SGPP2: variants seen among roughly 807,000 people sequenced by gnomAD.
SGPP2 encodes sphingosine 1-phosphate phosphohydrolase 2.
SGPP2 carries 30 observed loss-of-function variants against 33.9 expected under a neutral mutation model. The ratio of observed to expected loss-of-function variants is 0.89; its 90% CI spans 0.66 to 1.20. The LOEUF is 1.20. SGPP2 is among the 50% of genes most tolerant of loss of function. The pLI is 0.00. For missense variants in SGPP2, 458 were observed against 532.1 expected, an observed-to-expected ratio of 0.86 and a Z score of 1.37; for synonymous variants, 233 against 225.0, an observed-to-expected ratio of 1.04 and a Z score of -0.32.
At chr2:222,528,061 G>T (rs536759627) in intron 4 of SGPP2, among the ~76,000 whole-genome samples, 2 of 152,094 alleles carry the variant, frequency 1.3e-5, no homozygotes, top group African/African-American at 2.4e-5. Context: ...CTATGATAGC[G>T]TGCCCCTTCC....
chr2:222,472,891 G>A (rs1697867940), intron 1 of SGPP2, among the ~76,000 whole-genome samples: 1 of 152,174 alleles, frequency 6.6e-6, no homozygotes, highest in South Asian at 2.1e-4. Context: ...GTGCACTTCT[G>A]TAGTCTCAGT....
chr2:222,536,152 T>G (rs1698912434), intron 4 of SGPP2, among the ~76,000 whole-genome samples: 1 of 152,184 alleles, frequency 6.6e-6, no homozygotes, highest in South Asian at 2.1e-4. Context: ...GCCTTTTGGA[T>G]TATATAGTGT....
intron 1 of SGPP2, among the ~76,000 whole-genome samples, chr2:222,426,495 T>A (rs889668222): frequency 1.3e-5 from 2 of 152,308 alleles, no homozygotes; most frequent in Admixed American, 6.5e-5. Context: ...TCTTGACCTT[T>A]AAAAGCAAGC....
At chr2:222,509,719 G>T (rs182008091) in intron 2 of SGPP2, among the ~76,000 whole-genome samples, 1 of 152,166 alleles carries the variant, frequency 6.6e-6, no homozygotes, top group East Asian at 1.9e-4. Flanking sequence ...GGTACACCAG[G>T]ACTTATCTTG....
At chr2:222,533,494 C>T (rs1485553261) in intron 4 of SGPP2, among the ~76,000 whole-genome samples, 1 of 152,164 alleles carries the variant, frequency 6.6e-6, no homozygotes, top group East Asian at 1.9e-4. Flanking sequence ...AGTAAGTTCA[C>T]CACAATTGAA....
intron 2 of SGPP2, among the ~76,000 whole-genome samples, chr2:222,485,126 G>A (rs771357509): frequency 3.3e-5 from 5 of 152,162 alleles, no homozygotes; most frequent in African/African-American, 4.8e-5. Context: ...CATCCCTGGC[G>A]CGCTCTCTAA....
At chr2:222,541,797 A>G (rs1168583079) in intron 4 of SGPP2, among the ~76,000 whole-genome samples, 3 of 151,810 alleles carry the variant, frequency 2.0e-5, no homozygotes, top group Non-Finnish European at 4.4e-5. Flanking sequence ...TATTTTTAGT[A>G]GAGAAGGTTG....
intron 2 of SGPP2, among the ~76,000 whole-genome samples, chr2:222,496,029 A>G (rs6436320): frequency 0.87 from 132,018 of 152,128 alleles, 58,161 homozygotes; most frequent in East Asian, 1. Flanking sequence ...CTTTACATTC[A>G]AGACACTTGC....
intron 2 of SGPP2, among the ~76,000 whole-genome samples, chr2:222,497,762 A>G (rs1299642727): frequency 1.3e-5 from 2 of 152,220 alleles, no homozygotes; most frequent in African/African-American, 2.4e-5. Context: ...AAAACAGACA[A>G]TAACAAGTAA....
chr2:222,494,332 G>A (rs1698243341), intron 2 of SGPP2, among the ~76,000 whole-genome samples: 1 of 152,246 alleles, frequency 6.6e-6, no homozygotes, highest in Admixed American at 6.5e-5. Flanking sequence ...TCTTTTGACA[G>A]GAGGAAATGA....
intron 4 of SGPP2, among the ~76,000 whole-genome samples, chr2:222,556,577 C>G (rs1405202859): frequency 8.9e-6 from 1 of 111,840 alleles, no homozygotes; most frequent in Non-Finnish European, 1.9e-5. Flanking sequence ...CACCCTCACT[C>G]CTTGCCCATC....
intron 2 of SGPP2, among the ~76,000 whole-genome samples, chr2:222,485,453 A>G (rs1379449877): frequency 6.6e-6 from 1 of 152,108 alleles, no homozygotes; most frequent in African/African-American, 2.4e-5. Context: ...CAGGGCGGAG[A>G]AGGGCTTTGG....
intron 2 of SGPP2, among the ~76,000 whole-genome samples, chr2:222,518,646 G>C (rs1214752534): frequency 6.6e-6 from 1 of 152,216 alleles, no homozygotes; most frequent in African/African-American, 2.4e-5. Flanking sequence ...AGGTTCACAG[G>C]AGGGAGGCAG....
intron 2 of SGPP2, among the ~76,000 whole-genome samples, 176 bp from the exon 3 acceptor site, chr2:222,521,591 T>C (rs561304457): frequency 1.3e-5 from 2 of 152,336 alleles, no homozygotes; most frequent in East Asian, 3.9e-4. Flanking sequence ...ATCCAGAAAG[T>C]CTGTTTTCTT....
chr2:222,447,619 G>T (rs1234329690), intron 1 of SGPP2, among the ~76,000 whole-genome samples: 11 of 152,192 alleles, frequency 7.2e-5, no homozygotes, highest in Non-Finnish European at 1.0e-4. Flanking sequence ...TTAAATAACA[G>T]ATTGTTCCAT....
chr2:222,521,141 G>A (rs1042343859), intron 2 of SGPP2, among the ~76,000 whole-genome samples: 3 of 152,234 alleles, frequency 2.0e-5, no homozygotes, highest in Admixed American at 2.0e-4. Context: ...TACAGTAAAT[G>A]CAGTATGTTG....
upstream of SGPP2, among the ~76,000 whole-genome samples, chr2:222,424,343 G>A (rs1373203655): frequency 6.6e-6 from 1 of 152,070 alleles, no homozygotes; most frequent in Admixed American, 6.5e-5. Context: ...AGTTACAGGC[G>A]GTCCTGCCCC....
At chr2:222,432,913 C>T (rs562431224) in intron 1 of SGPP2, among the ~76,000 whole-genome samples, 1 of 151,950 alleles carries the variant, frequency 6.6e-6, no homozygotes, top group Non-Finnish European at 1.5e-5. Context: ...CCCAGCTACT[C>T]GGGAGGCTGA....
rs765345662 is a variant in SGPP2, at chr2:222,558,850, C to T, written c.1152C>T (p.Cys384=). ...TTACCTACACATCTGTTGGCATCTG[C>T]GCTACAACCTTTGTGCCGATGCTTC... ...KFVTYTSVGI[C]ATTFVPMLHR... Residue 384 remains cysteine (C), a synonymous_variant, in exon 5 of 5, where the codon TGC becomes TGT. Coordinates refer to ENST00000321276, the MANE Select transcript of SGPP2 (RefSeq NM_152386.4). 3.5e-5 allele frequency: 57 copies of T among 1,613,340 alleles called. 2 individuals carry two copies. The highest frequency in any genetic ancestry group is 2.1e-4 in the South Asian group (19 of 91,078).
Sources: allele counts gnomAD v4.1 joint callset (sites outside exome capture counted in the v4.1 genomes callset), GRCh38; gene constraint gnomAD v4.1.1; transcripts MANE v1.5; gene names NCBI Gene and HGNC (gene_info 2026-07-23, HGNC 2026-07-21).